The following GPC6 variants were observed in gnomAD, a reference collection of about 807,000 sequenced individuals.
The protein encoded by GPC6 is glypican-6.
GPC6 carries 14 observed loss-of-function variants against 55.2 expected under a neutral mutation model. The observed-to-expected ratio is 0.25, with a 90% CI of 0.17 to 0.40. The LOEUF (loss-of-function observed/expected upper bound fraction) is 0.40, where lower values mean the gene tolerates loss of function less well. Among genes scored for constraint, GPC6 ranks in the 10% least tolerant of loss-of-function variants. The pLI is 1.00. For missense variants in GPC6, 641 were observed against 708.5 expected, an observed-to-expected ratio of 0.90 and a Z score of 1.08; for synonymous variants, 278 against 259.6, an observed-to-expected ratio of 1.07 and a Z score of -0.68.
intron 3 of GPC6, among the ~76,000 whole-genome samples, chr13:93,931,463 A>C (rs530923603): frequency 1.3e-5 from 2 of 150,836 alleles, no homozygotes; most frequent in South Asian, 4.2e-4. Context: ...AAATTGTAAA[A>C]GATCAGAAGG....
At chr13:93,559,627 A>T (rs1276812026) in intron 2 of GPC6, among the ~76,000 whole-genome samples, 1 of 152,260 alleles carries the variant, frequency 6.6e-6, no homozygotes, top group Admixed American at 6.5e-5. Flanking sequence ...CTTTATAAAA[A>T]GACATGAATA....
At chr13:93,953,084 G>A (rs1193523184) in intron 3 of GPC6, among the ~76,000 whole-genome samples, 4 of 151,506 alleles carry the variant, frequency 2.6e-5, no homozygotes, top group Non-Finnish European at 5.9e-5. Flanking sequence ...CATTCATTTT[G>A]CTACAGTTTC....
chr13:94,271,239 T>C (rs9524395), intron 4 of GPC6, among the ~76,000 whole-genome samples: 33,497 of 151,324 alleles, frequency 0.22, 4,029 homozygotes, highest in Non-Finnish European at 0.26. Flanking sequence ...GATCCACCCG[T>C]CTCGACCTCC....
At chr13:93,463,333 G>A (rs558982695) in intron 1 of GPC6, among the ~76,000 whole-genome samples, 4 of 152,276 alleles carry the variant, frequency 2.6e-5, no homozygotes, top group South Asian at 2.1e-4. Context: ...GGACGTTTGC[G>A]AAAATGGCCG....
intron 3 of GPC6, among the ~76,000 whole-genome samples, chr13:93,936,136 T>C (rs188214603): frequency 4.3e-4 from 66 of 152,326 alleles, no homozygotes; most frequent in African/African-American, 1.5e-3. Context: ...TATATTTGGA[T>C]TGTAGAGAAA....
intron 2 of GPC6, among the ~76,000 whole-genome samples, chr13:93,645,918 A>G (rs1880150464): frequency 6.6e-6 from 1 of 152,188 alleles, no homozygotes; most frequent in Middle Eastern, 3.4e-3. Flanking sequence ...TTAATGACTA[A>G]TCTCGTCCCC....
chr13:93,547,300 C>A (rs112492586), intron 2 of GPC6, among the ~76,000 whole-genome samples: 2 of 152,100 alleles, frequency 1.3e-5, no homozygotes, highest in African/African-American at 4.8e-5. Context: ...GAGCCGAGAT[C>A]GTGCCAGTAC....
chr13:94,278,889 G>T (rs552060651), intron 4 of GPC6, among the ~76,000 whole-genome samples: 112 of 152,174 alleles, frequency 7.4e-4, no homozygotes, highest in African/African-American at 2.6e-3. Context: ...ATATTGGCCT[G>T]AAGTTTTCTT....
chr13:94,167,072 A>C (rs1024251257), intron 4 of GPC6, among the ~76,000 whole-genome samples: 2 of 152,092 alleles, frequency 1.3e-5, no homozygotes, highest in Non-Finnish European at 2.9e-5. Context: ...GTAAAATTAG[A>C]CTCTAGATGT....
intron 2 of GPC6, among the ~76,000 whole-genome samples, chr13:93,680,950 GGCAAGTGACTGGGAA>G (rs1412565229): frequency 6.6e-6 from 1 of 152,104 alleles, no homozygotes; most frequent in Non-Finnish European, 1.5e-5. Flanking sequence ...TACCAGACTG[GGCAAGTGACTGGGAA>G]GCAGTTTCAA....
chr13:93,321,314 G>A (rs779155271), intron 1 of GPC6, among the ~76,000 whole-genome samples: 1 of 151,998 alleles, frequency 6.6e-6, no homozygotes, highest in African/African-American at 2.4e-5. Flanking sequence ...TAGGCAAATC[G>A]CATTACTTGC....
intron 2 of GPC6, among the ~76,000 whole-genome samples, chr13:93,701,442 G>GT (rs1355076038): frequency 2.0e-5 from 3 of 151,878 alleles, no homozygotes; most frequent in East Asian, 1.9e-4. Context: ...GAGTTTTACT[G>GT]TTTTTTTTCT....
chr13:93,262,343 G>A (rs566153297), intron 1 of GPC6, among the ~76,000 whole-genome samples: 1 of 152,292 alleles, frequency 6.6e-6, no homozygotes, highest in Non-Finnish European at 1.5e-5. Context: ...ATGGGTGAAA[G>A]TGTGGATCCT....
At chr13:94,208,846 G>A (rs1889985990) in intron 4 of GPC6, among the ~76,000 whole-genome samples, 1 of 149,744 alleles carries the variant, frequency 6.7e-6, no homozygotes, top group African/African-American at 2.5e-5. Context: ...TGGATCGCTT[G>A]AGCCCAGGAG....
At chr13:94,001,548 C>A (rs1411247116) in intron 3 of GPC6, among the ~76,000 whole-genome samples, 1 of 152,010 alleles carries the variant, frequency 6.6e-6, no homozygotes, top group East Asian at 1.9e-4. Flanking sequence ...TAGCTAAAAT[C>A]TAGTGAGTAA....
At chr13:93,560,973 A>G (rs2139458508) in intron 2 of GPC6, among the ~76,000 whole-genome samples, 1 of 152,296 alleles carries the variant, frequency 6.6e-6, no homozygotes, top group Middle Eastern at 3.4e-3. Flanking sequence ...TTGAACAACA[A>G]TCAAGAAAAA....
At position 94,361,361 on chromosome 13, in the gene GPC6, A is replaced by G. The variant is rs190806049; in HGVS notation, c.1153-21053A>G. ...CTGTAGTTGCCACGTTCAAATTCCT[A>G]ATAATATTTAAACAGGGAACCCTGC... On this transcript the variant is annotated intron_variant, in intron 6 of 8. Coordinates refer to ENST00000377047, the MANE Select transcript of GPC6 (RefSeq NM_005708.5). Among the ~76,000 whole-genome samples the G allele has an allele frequency of 9.8e-4, 149 of 152,308 alleles. 1 individual carries two copies. Among genetic ancestry groups the G allele is most frequent in the African/African-American group, 3.5e-3 (146 of 41,566 alleles).
At chr13:94,136,458 C>G (rs1355408880) in intron 4 of GPC6, among the ~76,000 whole-genome samples, 1 of 152,178 alleles carries the variant, frequency 6.6e-6, no homozygotes, top group Non-Finnish European at 1.5e-5. Flanking sequence ...CGCCTGTGAT[C>G]CCAGCACTTT....
At chr13:93,237,993 G>A (rs1049527176) in intron 1 of GPC6, among the ~76,000 whole-genome samples, 2 of 152,106 alleles carry the variant, frequency 1.3e-5, no homozygotes, top group African/African-American at 2.4e-5. Flanking sequence ...TTGAAGTTGG[G>A]TGATGTGATG....
Sources: allele counts gnomAD v4.1 joint callset (sites outside exome capture counted in the v4.1 genomes callset), GRCh38; gene constraint gnomAD v4.1.1; transcripts MANE v1.5; gene names NCBI Gene and HGNC (gene_info 2026-07-23, HGNC 2026-07-21).